Variants in GPR19 observed in about 807,000 individuals in gnomAD.
GPR19 encodes the protein G protein-coupled receptor 19.
In GPR19, 14 loss-of-function variants were observed where a neutral mutation model predicts 28.5. The observed-to-expected ratio is 0.49, with a 90% CI of 0.32 to 0.77. The LOEUF (loss-of-function observed/expected upper bound fraction) is 0.77, where lower values mean the gene tolerates loss of function less well. GPR19 is among the 30% of genes least tolerant of loss of function. The pLI is 0.03. For synonymous variants in GPR19, 173 were observed against 184.1 expected, an observed-to-expected ratio of 0.94 and a Z score of 0.49; for missense variants, 409 against 504.1, an observed-to-expected ratio of 0.81 and a Z score of 1.81.
the GPR19 span, among the ~76,000 whole-genome samples, chr12:12,702,892 C>T: frequency 2.0e-5 from 3 of 152,218 alleles, no homozygotes; most frequent in Non-Finnish European, 4.4e-5. Flanking sequence ...ACATGAATCT[C>T]ATCATGACTG....
At chr12:12,683,193 G>C (rs983075233) in intron 3 of GPR19, among the ~76,000 whole-genome samples, 2 of 152,246 alleles carry the variant, frequency 1.3e-5, no homozygotes, top group African/African-American at 4.8e-5. Context: ...TTTTACTACA[G>C]AGATCTATAC....
At chr12:12,675,883 ACT>A (rs1157676169) in intron 3 of GPR19, among the ~76,000 whole-genome samples, 1 of 152,222 alleles carries the variant, frequency 6.6e-6, no homozygotes, top group African/African-American at 2.4e-5. Context: ...GCCCTGGGAG[ACT>A]CTAAGCAGAG....
chr12:12,702,472 A>T, the GPR19 span, among the ~76,000 whole-genome samples: 1 of 152,196 alleles, frequency 6.6e-6, no homozygotes, highest in Non-Finnish European at 1.5e-5. Context: ...TGGGTTTTTT[A>T]AAAAATTAGT....
At chr12:12,713,530 G>T in the GPR19 span, among the ~76,000 whole-genome samples, 2 of 151,546 alleles carry the variant, frequency 1.3e-5, no homozygotes, top group Non-Finnish European at 2.9e-5. Flanking sequence ...TTCTCTCAAA[G>T]GCCACCTTTT....
chr12:12,669,395 G>A (rs1205314358), intron 3 of GPR19, among the ~76,000 whole-genome samples: 5 of 152,198 alleles, frequency 3.3e-5, no homozygotes, highest in East Asian at 1.9e-4. Flanking sequence ...TTGATCAATT[G>A]TATTATCCCA....
chr12:12,703,416 T>C, the GPR19 span: 2 of 985,246 alleles, frequency 2.0e-6, no homozygotes, highest in Non-Finnish European at 2.4e-6. Context: ...CCATAGGACA[T>C]GAAAAGCCAA....
chr12:12,673,707 A>G (rs1371333142), intron 3 of GPR19, among the ~76,000 whole-genome samples: 1 of 152,188 alleles, frequency 6.6e-6, no homozygotes, highest in African/African-American at 2.4e-5. Context: ...TGGCTACAGC[A>G]TATGAATACC....
At chr12:12,684,683 C>T (rs1946069408) in intron 2 of GPR19, among the ~76,000 whole-genome samples, 176 bp from the exon 3 acceptor site, 1 of 152,164 alleles carries the variant, frequency 6.6e-6, no homozygotes, top group African/African-American at 2.4e-5. Flanking sequence ...CCTCCCTTCC[C>T]CCACTTTTCC....
intron 3 of GPR19, among the ~76,000 whole-genome samples, chr12:12,667,647 C>T (rs1472014323): frequency 3.3e-5 from 5 of 150,204 alleles, no homozygotes; most frequent in African/African-American, 9.9e-5. Context: ...GCTGAGATCA[C>T]GCCACTGCAC....
the GPR19 span, among the ~76,000 whole-genome samples, chr12:12,710,354 C>CAAAAAAAA: frequency 4.5e-5 from 6 of 132,912 alleles, no homozygotes; most frequent in East Asian, 6.7e-4. Context: ...GCTCCATCTC[C>CAAAAAAAA]AAAAAAAAAA....
intron 3 of GPR19, among the ~76,000 whole-genome samples, chr12:12,666,349 C>T (rs957507191): frequency 1.3e-5 from 2 of 152,210 alleles, no homozygotes; most frequent in Non-Finnish European, 2.9e-5. Context: ...TACCCTTGCT[C>T]ATACAGCATC....
chr12:12,709,563 T>C, the GPR19 span, among the ~76,000 whole-genome samples: 1 of 152,066 alleles, frequency 6.6e-6, no homozygotes, highest in African/African-American at 2.4e-5. Flanking sequence ...CCTCCACCTG[T>C]CGTGTAGCTG....
At chr12:12,709,630 G>A in the GPR19 span, among the ~76,000 whole-genome samples, 5 of 152,156 alleles carry the variant, frequency 3.3e-5, no homozygotes, top group South Asian at 1.0e-3. Context: ...TTGTAGAGAC[G>A]GATCTTACTT....
At chr12:12,677,209 T>TC (rs1458369548) in intron 3 of GPR19, among the ~76,000 whole-genome samples, 2 of 150,582 alleles carry the variant, frequency 1.3e-5, no homozygotes, top group East Asian at 3.9e-4. Flanking sequence ...TGTTAATTTT[T>TC]TTTTTTTTTT....
chr12:12,681,820 A>G (rs896271430), intron 3 of GPR19, among the ~76,000 whole-genome samples: 11 of 152,256 alleles, frequency 7.2e-5, no homozygotes, highest in African/African-American at 2.7e-4. Flanking sequence ...AAGCCTTACT[A>G]TCTTGCTAAC....
chr12:12,672,303 A>G (rs10845602), intron 3 of GPR19, among the ~76,000 whole-genome samples: 44,057 of 152,066 alleles, frequency 0.29, 7,566 homozygotes, highest in Non-Finnish European at 0.39. Flanking sequence ...ATACTATCTA[A>G]TATTTCTCTT....
the GPR19 span, chr12:12,703,553 C>A: frequency 3.8e-6 from 1 of 264,558 alleles, no homozygotes; most frequent in Non-Finnish European, 5.9e-6. Context: ...TCTGCTGGTC[C>A]CTACATGTCT....
chr12:12,679,555 T>C (rs1400973790), intron 3 of GPR19, among the ~76,000 whole-genome samples: 2 of 5,640 alleles, frequency 3.5e-4, no homozygotes, highest in Non-Finnish European at 7.6e-3. Flanking sequence ...AGATAGGGTA[T>C]GTTAGCCCTA....
chr12:12,669,825 C>A (rs1216460102), intron 3 of GPR19, among the ~76,000 whole-genome samples: 1 of 152,192 alleles, frequency 6.6e-6, no homozygotes. Flanking sequence ...GGAGGCCACA[C>A]AAGCTCTTCT....
Sources: allele counts gnomAD v4.1 joint callset (sites outside exome capture counted in the v4.1 genomes callset), GRCh38; gene constraint gnomAD v4.1.1; transcripts MANE v1.5; gene names NCBI Gene and HGNC (gene_info 2026-07-23, HGNC 2026-07-21).